Variants in PLXNA4 observed in about 807,000 individuals in gnomAD.
PLXNA4 encodes the protein plexin A4, also known as plexin-A4.
Under a neutral mutation model 191.8 loss-of-function variants are expected in PLXNA4, and 44 were observed. That is an observed-to-expected ratio of 0.23 (90% CI 0.18 to 0.29). The LOEUF is 0.29. Ranked by LOEUF, PLXNA4 falls within the 10% of genes least tolerant of loss-of-function variation. The probability of loss-of-function intolerance (pLI) is 1.00; values close to 1 mark genes in which losing one functional copy is unlikely to be tolerated. For synonymous variants in PLXNA4, 1,082 were observed against 1,009.5 expected (o/e 1.07, Z -1.36); for missense variants, 1,800 against 2,488.8 (o/e 0.72, Z 5.89).
Position 132,130,323 on chromosome 7 carries a change from G to A in PLXNA4, c.*156C>T, listed in dbSNP as rs1563046504. ...GAAGAGAAGAGATCCAGGAAGGAGG[G>A]AGAAACGGAAAGAGGCAGAGAGAAA... On this transcript the variant is annotated 3_prime_UTR_variant, in exon 32 of 32. Transcript: ENST00000321063. 2.9e-6 allele frequency: 3 copies of A among 1,040,422 alleles called. No individual in the cohort carries two copies. Among genetic ancestry groups the A allele is most frequent in the Admixed American group, 2.5e-5 (1 of 40,700 alleles). 64.4% of individuals were successfully genotyped at this position (1,040,422 alleles called of 1,614,324 possible). A position where few individuals can be genotyped will look rare whatever the true frequency, so the allele number is the denominator to read the frequency against.
chr7:132,173,227 T>C (rs954121093), intron 21 of PLXNA4, among the ~76,000 whole-genome samples: 2 of 151,926 alleles, frequency 1.3e-5, no homozygotes, highest in African/African-American at 4.8e-5. Context: ...CAAACGAAGG[T>C]GAGGCTGGAG....
chr7:132,574,739 T>A (rs1290708318), intron 1 of PLXNA4, among the ~76,000 whole-genome samples: 5 of 152,098 alleles, frequency 3.3e-5, no homozygotes, highest in Non-Finnish European at 7.4e-5. Flanking sequence ...TCTGCGCTTC[T>A]CCCCAGCCTA....
At chr7:132,497,344 A>G (rs751083365) in intron 2 of PLXNA4, among the ~76,000 whole-genome samples, 4 of 152,242 alleles carry the variant, frequency 2.6e-5, no homozygotes, top group Non-Finnish European at 5.9e-5. Flanking sequence ...CCGTATCTCA[A>G]ATATGACGGC....
chr7:132,228,212 C>A, intron 6 of PLXNA4, 134 bp downstream of exon 6: 4 of 1,172,546 alleles, frequency 3.4e-6, no homozygotes, highest in Non-Finnish European at 4.8e-6. Context: ...ATATCCTGCA[C>A]CCTTCTCTTG....
chr7:132,581,528 C>A (rs1455605389), upstream of PLXNA4, among the ~76,000 whole-genome samples: 1 of 152,238 alleles, frequency 6.6e-6, no homozygotes, highest in Non-Finnish European at 1.5e-5. Context: ...TCATTCACCA[C>A]AAGTACCCTC....
At chr7:132,275,095 C>T (rs577106322) in intron 4 of PLXNA4, among the ~76,000 whole-genome samples, 1 of 152,294 alleles carries the variant, frequency 6.6e-6, no homozygotes, top group East Asian at 1.9e-4. Context: ...TCTCCTCAAA[C>T]TGTTGCCCAC....
intron 3 of PLXNA4, among the ~76,000 whole-genome samples, chr7:132,374,934 G>C (rs1804598028): frequency 6.6e-6 from 1 of 152,206 alleles, no homozygotes; most frequent in Non-Finnish European, 1.5e-5. Flanking sequence ...CAAGCTCTCT[G>C]TGTGTTCTTT....
intron 3 of PLXNA4, among the ~76,000 whole-genome samples, chr7:132,326,321 C>T (rs539682158): frequency 6.6e-6 from 1 of 152,188 alleles, no homozygotes; most frequent in South Asian, 2.1e-4. Flanking sequence ...TCCTATGAGA[C>T]AATTCTTTAC....
intron 1 of PLXNA4, among the ~76,000 whole-genome samples, chr7:132,536,467 A>T (rs144826598): frequency 1.7e-3 from 265 of 152,312 alleles, no homozygotes; most frequent in Middle Eastern, 3.4e-3. Flanking sequence ...TAGAACGACG[A>T]CCTCAGTGGT....
intron 31 of PLXNA4, 81 bp downstream of exon 31, chr7:132,132,968 C>T: frequency 1.3e-6 from 2 of 1,539,480 alleles, no homozygotes; most frequent in Non-Finnish European, 1.8e-6. Flanking sequence ...TGGCGATGAT[C>T]TCTTATACGG....
intron 1 of PLXNA4, among the ~76,000 whole-genome samples, chr7:132,553,993 C>T (rs942307974): frequency 3.3e-5 from 5 of 152,054 alleles, no homozygotes; most frequent in African/African-American, 1.2e-4. Flanking sequence ...CACCAAAAGC[C>T]CTGTCTAAAG....
intron 3 of PLXNA4, among the ~76,000 whole-genome samples, chr7:132,307,431 T>C (rs1250921785): frequency 2.0e-5 from 3 of 152,214 alleles, no homozygotes; most frequent in Non-Finnish European, 4.4e-5. Context: ...CTCAGACCCT[T>C]GAACTGTGCC....
chr7:132,167,842 C>T (rs1584786688), intron 22 of PLXNA4, among the ~76,000 whole-genome samples: 1 of 152,218 alleles, frequency 6.6e-6, no homozygotes, highest in Non-Finnish European at 1.5e-5. Context: ...AGCCACTGCA[C>T]CTGGCTTGTG....
At chr7:132,573,636 G>A (rs191841597) in intron 1 of PLXNA4, among the ~76,000 whole-genome samples, 3 of 135,066 alleles carry the variant, frequency 2.2e-5, no homozygotes, top group Non-Finnish European at 5.1e-5. Flanking sequence ...GCAGCAGCAG[G>A]CGACAGGAAG....
chr7:132,133,222 A>G (rs943097741), intron 30 of PLXNA4, 23 bp from the exon 31 acceptor site: 2 of 1,612,502 alleles, frequency 1.2e-6, no homozygotes, highest in African/African-American at 2.7e-5. Context: ...GGAAATAGGG[A>G]GAAGCTGAAG....
chr7:132,535,341 TCTC>T (rs902977632), intron 1 of PLXNA4, among the ~76,000 whole-genome samples: 1 of 152,204 alleles, frequency 6.6e-6, no homozygotes, highest in East Asian at 1.9e-4. Context: ...TGTTGAGGGT[TCTC>T]CTGGCTTGCA....
Position 132,198,615 on chromosome 7 carries a change from G to A in PLXNA4, c.2608C>T (p.Arg870Trp), listed in dbSNP as rs772814018. 2.2e-5 allele frequency: 35 copies of A among 1,613,918 alleles called. No individual in the cohort carries two copies. The highest frequency in any genetic ancestry group is 1.6e-4 in the Middle Eastern group (1 of 6,084). Residue 870 changes from arginine to tryptophan, a missense_variant, in exon 13 of 32, where the codon CGG (arginine) becomes TGG (tryptophan). By Grantham distance (101) the Arg-to-Trp change is moderately radical. This residue lies in a region of PLXNA4 where 1,397 missense variants were observed against 1,880.4 expected (regional missense o/e 0.74). Coordinates refer to ENST00000321063, the MANE Select transcript of PLXNA4 (RefSeq NM_020911.2). Reference protein sequence around the residue: ...ITEIIPVTGPREGGTKVTIRG... With the variant: ...ITEIIPVTGPWEGGTKVTIRG... ...ATAGTGACCTTGGTGCCCCCTTCCCGGGGGCCTGTCACCGGGATTATCTGG... is the reference window on the plus strand; with the variant it reads ...ATAGTGACCTTGGTGCCCCCTTCCCAGGGGCCTGTCACCGGGATTATCTGG...
intron 1 of PLXNA4, among the ~76,000 whole-genome samples, chr7:132,571,249 T>C (rs1801966356): frequency 6.6e-6 from 1 of 152,224 alleles, no homozygotes; most frequent in Non-Finnish European, 1.5e-5. Flanking sequence ...CCACACCTTT[T>C]TGCATCAGGA....
intron 10 of PLXNA4, among the ~76,000 whole-genome samples, chr7:132,208,389 G>A (rs1797693975): frequency 6.6e-6 from 1 of 152,206 alleles, no homozygotes; most frequent in African/African-American, 2.4e-5. Flanking sequence ...AAAAGTCATG[G>A]AGGCAAAGTC....
Sources: gnomAD v4.1 joint callset for allele counts (sites outside exome capture counted in the v4.1 genomes callset) on GRCh38, gnomAD v4.1.1 for gene constraint, gnomAD v4.1.1 regional missense constraint, MANE v1.5 for transcripts, NCBI Gene and HGNC (gene_info 2026-07-23, HGNC 2026-07-21) for gene names.